The following IL15 variants were observed in gnomAD, a reference collection of about 807,000 sequenced individuals.
The protein encoded by IL15 is interleukin 15, also known as interleukin-15.
A neutral mutation model predicts 19.6 loss-of-function variants in IL15; 11 were observed. The observed-to-expected ratio is 0.56, with a 90% CI of 0.35 to 0.93. The LOEUF is 0.93. IL15 is among the 40% of genes least tolerant of loss of function. IL15 has a pLI of 0.01. For synonymous variants in IL15, 58 were observed against 59.6 expected, an observed-to-expected ratio of 0.97 and a Z score of 0.12; for missense variants, 197 against 186.5, an observed-to-expected ratio of 1.06 and a Z score of -0.33.
intron 2 of IL15, among the ~76,000 whole-genome samples, chr4:141,657,882 A>T (rs1727660436): frequency 6.6e-6 from 1 of 152,254 alleles, no homozygotes; most frequent in Non-Finnish European, 1.5e-5. Flanking sequence ...AGTATAGTAT[A>T]ATAAATACAT....
At chr4:141,675,073 T>C (rs1728297008) in intron 2 of IL15, among the ~76,000 whole-genome samples, 1 of 151,942 alleles carries the variant, frequency 6.6e-6, no homozygotes, top group Non-Finnish European at 1.5e-5. Context: ...ACAACATGGG[T>C]TTCAGCTGCA....
chr4:141,730,034 A>T (rs1247213424), intron 7 of IL15, 50 bp downstream of exon 7: 2 of 1,465,198 alleles, frequency 1.4e-6, no homozygotes, highest in Non-Finnish European at 1.9e-6. Context: ...TTTGGGCCTG[A>T]TTTGGAGAAG....
chr4:141,721,586 G>C (rs962457916), intron 4 of IL15: 1 of 523,146 alleles, frequency 1.9e-6, no homozygotes, highest in Non-Finnish European at 3.6e-6. Flanking sequence ...AAGGAAACTA[G>C]TAATTCATTC....
intron 1 of IL15, among the ~76,000 whole-genome samples, chr4:141,642,403 T>C (rs1049771526): frequency 6.6e-6 from 1 of 152,184 alleles, no homozygotes; most frequent in African/African-American, 2.4e-5. Context: ...TTGTAGGGTA[T>C]GCCAGAGGTG....
intron 2 of IL15, among the ~76,000 whole-genome samples, chr4:141,714,359 A>T (rs937470291): frequency 1.7e-4 from 26 of 151,492 alleles, no homozygotes; most frequent in Non-Finnish European, 3.8e-4. Context: ...CAAAATCCTT[A>T]ATTCCCCCTC....
At chr4:141,723,000 G>A (rs1334287543) in intron 5 of IL15, among the ~76,000 whole-genome samples, 3 of 151,982 alleles carry the variant, frequency 2.0e-5, no homozygotes, top group African/African-American at 7.2e-5. Flanking sequence ...TGATCTTGAC[G>A]ACAGTAACAA....
chr4:141,697,778 C>T (rs1165088754), intron 2 of IL15, among the ~76,000 whole-genome samples: 2 of 150,962 alleles, frequency 1.3e-5, no homozygotes, highest in Non-Finnish European at 3.0e-5. Context: ...TAAAAGGGGT[C>T]GAATGACAAT....
At chr4:141,721,081 G>T in intron 4 of IL15, 1 of 1,412,388 alleles carries the variant, frequency 7.1e-7, no homozygotes, top group Non-Finnish European at 9.7e-7. Flanking sequence ...TACCCAGTTG[G>T]CCCAAAGCAC....
At chr4:141,645,828 T>C (rs1316911725) in intron 1 of IL15, among the ~76,000 whole-genome samples, 1 of 152,080 alleles carries the variant, frequency 6.6e-6, no homozygotes, top group South Asian at 2.1e-4. Context: ...TTCTGGCTGT[T>C]GTCTGGGCTC....
At chr4:141,685,121 C>G (rs1253884177) in intron 2 of IL15, among the ~76,000 whole-genome samples, 2 of 152,134 alleles carry the variant, frequency 1.3e-5, no homozygotes, top group Non-Finnish European at 2.9e-5. Flanking sequence ...CGATGTTATA[C>G]ACTATAGGAG....
intron 5 of IL15, among the ~76,000 whole-genome samples, chr4:141,722,316 G>C (rs1344248546): frequency 1.3e-5 from 2 of 152,092 alleles, no homozygotes; most frequent in Non-Finnish European, 2.9e-5. Flanking sequence ...TTGACCCAGG[G>C]AACAGCTGTT....
chr4:141,671,000 TAAATATTTAAA>T (rs1728156530), intron 2 of IL15, among the ~76,000 whole-genome samples: 1 of 152,190 alleles, frequency 6.6e-6, no homozygotes. Flanking sequence ...ACAGTTGTCT[TAAATATTTAAA>T]ATGGCAGAAG....
At chr4:141,662,028 C>T (rs577499253) in intron 2 of IL15, among the ~76,000 whole-genome samples, 204 of 152,150 alleles carry the variant, frequency 1.3e-3, no homozygotes, top group African/African-American at 4.6e-3. Flanking sequence ...TTGTCTTTTT[C>T]GTTTTTAGAT....
At chr4:141,673,350 A>G (rs914620940) in intron 2 of IL15, among the ~76,000 whole-genome samples, 1 of 152,202 alleles carries the variant, frequency 6.6e-6, no homozygotes. Flanking sequence ...GTCTCTCATT[A>G]AATGGTTCTT....
chr4:141,663,826 C>T (rs937029188), intron 2 of IL15, among the ~76,000 whole-genome samples: 30 of 152,180 alleles, frequency 2.0e-4, no homozygotes, highest in African/African-American at 6.8e-4. Flanking sequence ...CTAGTTTCCG[C>T]AGCTCTCCTT....
Position 141,732,914 on chromosome 4 carries a change from C to T in IL15, c.*66C>T. 6.5e-7 allele frequency: 1 copy of T among 1,548,228 alleles called. No homozygotes were observed. The highest frequency in any genetic ancestry group is 1.3e-5 in the South Asian group (1 of 79,520). On this transcript the variant is annotated 3_prime_UTR_variant, in exon 8 of 8. Transcript: ENST00000320650. ...ACATCACTCTGCTGCTTAGACATAACAAAACACTCGGCATTTCAAATGTGC... is the reference window on the plus strand; with the variant it reads ...ACATCACTCTGCTGCTTAGACATAATAAAACACTCGGCATTTCAAATGTGC...
Position 141,720,493 on chromosome 4 carries a change from A to C in IL15, c.37A>C (p.Ile13Leu), listed in dbSNP as rs1560936784. The change falls in exon 4 of 8, where the codon ATC (isoleucine) becomes CTC (leucine). Residue 13 changes from isoleucine to leucine, a missense_variant. Physicochemically the swap from Ile to Leu is conservative, Grantham distance 5 (BLOSUM62 2). Transcript: ENST00000320650. ...ISKPHLRSIS[I>L]QCYLCLLLNS... is the part of the protein sequence containing the mutation. ...GAAACCACATTTGAGAAGTATTTCC[A>C]TCCAGTGCTACTTGTGTTTACTTCT... 5.7e-6 allele frequency: 9 copies of C among 1,590,558 alleles called. No individual in the cohort carries two copies. In the South Asian group the frequency reaches 8.9e-5, roughly 16 times the overall value.
At chr4:141,665,019 C>A (rs1373644172) in intron 2 of IL15, among the ~76,000 whole-genome samples, 1 of 151,742 alleles carries the variant, frequency 6.6e-6, no homozygotes, top group African/African-American at 2.4e-5. Flanking sequence ...TGTTCAAGTT[C>A]TTTATATTTA....
rs111857851 is a variant in IL15, at chr4:141,666,884, C to T, written c.-100+10577C>T. ...CTAAACAGTCCTTGCTGGGTTGCCC[C>T]ACTCAGCCTATTCATATTAGGTCAT... On this transcript the variant is annotated intron_variant, in intron 2 of 7. Transcript: ENST00000320650. Among the ~76,000 whole-genome samples the T allele has an allele frequency of 2.8e-3, 434 of 152,332 alleles. 1 individual carries two copies. The highest frequency in any genetic ancestry group is 1.0e-2 in the African/African-American group (415 of 41,560).
Sources: allele counts gnomAD v4.1 joint callset (sites outside exome capture counted in the v4.1 genomes callset), GRCh38; gene constraint gnomAD v4.1.1; transcripts MANE v1.5; gene names NCBI Gene and HGNC (gene_info 2026-07-23, HGNC 2026-07-21).